Variants in DKK2 observed in about 807,000 individuals in gnomAD.
The protein encoded by DKK2 is dickkopf-related protein 2.
A neutral mutation model predicts 28.1 loss-of-function variants in DKK2; 11 were observed. The observed-to-expected ratio is 0.39, with a 90% CI of 0.25 to 0.65. The LOEUF (loss-of-function observed/expected upper bound fraction) is 0.65. Among genes scored for constraint, DKK2 ranks in the 30% least tolerant of loss-of-function variants. The pLI is 0.47. For missense variants in DKK2, 326 were observed against 335.5 expected, an observed-to-expected ratio of 0.97 and a Z score of 0.22; for synonymous variants, 135 against 126.5, an observed-to-expected ratio of 1.07 and a Z score of -0.45.
intron 1 of DKK2, among the ~76,000 whole-genome samples, chr4:106,927,568 AT>A (rs1434105594): frequency 1.3e-5 from 2 of 152,178 alleles, no homozygotes; most frequent in East Asian, 3.9e-4. Context: ...TATAAAATAA[AT>A]TTGCATTTCA....
intron 1 of DKK2, among the ~76,000 whole-genome samples, chr4:107,034,562 GA>G (rs1723932946): frequency 6.6e-6 from 1 of 152,172 alleles, no homozygotes; most frequent in African/African-American, 2.4e-5. Flanking sequence ...GGCGCCTGCG[GA>G]AAGTTCCCTC....
chr4:106,959,098 A>C (rs1386123878), intron 1 of DKK2, among the ~76,000 whole-genome samples: 1 of 152,152 alleles, frequency 6.6e-6, no homozygotes, highest in Non-Finnish European at 1.5e-5. Flanking sequence ...TATCAAGCAG[A>C]CAGTATTTTG....
intron 1 of DKK2, among the ~76,000 whole-genome samples, chr4:106,929,099 T>A (rs1724464791): frequency 6.6e-6 from 1 of 152,218 alleles, no homozygotes; most frequent in Admixed American, 6.5e-5. Context: ...CATTGTCTAG[T>A]CTCATTTGAT....
At chr4:106,973,156 T>G (rs1488961158) in intron 1 of DKK2, among the ~76,000 whole-genome samples, 2 of 152,234 alleles carry the variant, frequency 1.3e-5, no homozygotes, top group Non-Finnish European at 2.9e-5. Context: ...GCATTTGGGT[T>G]GGTTCCAAGT....
At chr4:107,008,402 A>G (rs1478979501) in intron 1 of DKK2, among the ~76,000 whole-genome samples, 1 of 152,076 alleles carries the variant, frequency 6.6e-6, no homozygotes, top group Admixed American at 6.6e-5. Context: ...ATGATGCGCT[A>G]TTGGAACACC....
At chr4:106,960,446 G>C (rs951087583) in intron 1 of DKK2, among the ~76,000 whole-genome samples, 8 of 151,856 alleles carry the variant, frequency 5.3e-5, no homozygotes, top group Non-Finnish European at 7.4e-5. Flanking sequence ...GTGACTAAAA[G>C]ATGAAAAACT....
At chr4:106,985,624 C>T (rs986235185) in intron 1 of DKK2, among the ~76,000 whole-genome samples, 1 of 151,632 alleles carries the variant, frequency 6.6e-6, no homozygotes, top group Non-Finnish European at 1.5e-5. Context: ...TCCTGGCCAA[C>T]ATGGTGAGAC....
intron 1 of DKK2, 145 bp from the exon 2 acceptor site, chr4:106,926,094 C>A (rs1724422591): frequency 2.3e-6 from 2 of 872,064 alleles, no homozygotes; most frequent in South Asian, 5.1e-5. Context: ...TGTTCTGAAC[C>A]TAGAGCCTAA....
chr4:106,968,722 C>T (rs988905921), intron 1 of DKK2, among the ~76,000 whole-genome samples: 2 of 151,958 alleles, frequency 1.3e-5, no homozygotes, highest in African/African-American at 4.8e-5. Context: ...TTCCATATGG[C>T]GTTCTGGACA....
chr4:106,951,846 A>G (rs892010012), intron 1 of DKK2, among the ~76,000 whole-genome samples: 1 of 152,192 alleles, frequency 6.6e-6, no homozygotes, highest in Non-Finnish European at 1.5e-5. Context: ...TCTGCAAAAT[A>G]TGGCTCCTAA....
intron 1 of DKK2, among the ~76,000 whole-genome samples, chr4:106,960,944 G>T (rs137897619): frequency 1.3e-5 from 2 of 152,178 alleles, no homozygotes; most frequent in East Asian, 1.9e-4. Flanking sequence ...GAGGGAAATA[G>T]TAAAATTATA....
intron 1 of DKK2, among the ~76,000 whole-genome samples, chr4:106,929,806 T>A (rs1350078467): frequency 6.6e-6 from 1 of 152,200 alleles, no homozygotes; most frequent in African/African-American, 2.4e-5. Flanking sequence ...TACCTAAAAT[T>A]TTAGCAGTAA....
chr4:106,952,694 A>G (rs1475213426), intron 1 of DKK2, among the ~76,000 whole-genome samples: 1 of 152,186 alleles, frequency 6.6e-6, no homozygotes, highest in Non-Finnish European at 1.5e-5. Context: ...TCCAAATCTT[A>G]AAATATAATG....
At chr4:106,970,555 T>A (rs997469958) in intron 1 of DKK2, among the ~76,000 whole-genome samples, 2 of 152,072 alleles carry the variant, frequency 1.3e-5, no homozygotes, top group Non-Finnish European at 2.9e-5. Flanking sequence ...ATCAAGAATC[T>A]CTTGATTGAC....
In DKK2 at chr4:106,925,848, CTTCT is replaced by C; in HGVS notation, c.320_323del (p.Lys107SerfsTer28). ...AGCACATGCCATCTCGGTGGCAGCG[CTTCT>C]TTTTTCTCCGACACACCATGCAGGC... On this transcript the variant is annotated frameshift_variant, in exon 2 of 4. Transcript: ENST00000285311. LOFTEE classifies it high-confidence loss of function. The C allele has an allele frequency of 1.2e-6, 2 of 1,606,480 alleles. No homozygotes were observed. Among genetic ancestry groups the C allele is most frequent in the Non-Finnish European group, 1.7e-6 (2 of 1,176,480 alleles).
Position 107,035,557 on chromosome 4 carries a change from C to A in DKK2, c.35G>T (p.Cys12Phe), listed in dbSNP as rs1160624661. 1.2e-6 allele frequency: 2 copies of A among 1,614,170 alleles called. No individual in the cohort carries two copies. Among genetic ancestry groups the A allele is most frequent in the Non-Finnish European group, 1.7e-6 (2 of 1,180,030 alleles). ...AALMRSKDSS[C>F]CLLLLAAVLM... ...CACCGCGGCCAGTAGGAGCAGGCAG[C>A]AGGACGAATCCTTGCTCCGCATCAA... Residue 12 changes from cysteine (C) to phenylalanine (F), a missense_variant, in exon 1 of 4, where the codon TGC becomes TTC. Coordinates refer to ENST00000285311, the MANE Select transcript of DKK2 (RefSeq NM_014421.3).
chr4:106,997,686 G>A (rs1234416251), intron 1 of DKK2, among the ~76,000 whole-genome samples: 3 of 152,296 alleles, frequency 2.0e-5, no homozygotes, highest in Non-Finnish European at 1.5e-5. Flanking sequence ...AGGTCGTGGC[G>A]ACTTAAATGC....
intron 1 of DKK2, among the ~76,000 whole-genome samples, chr4:106,986,575 A>G (rs907026239): frequency 3.3e-5 from 5 of 152,202 alleles, no homozygotes; most frequent in African/African-American, 1.2e-4. Flanking sequence ...GTGTGGAATA[A>G]CAGTTTATTC....
In DKK2 at chr4:106,948,640, C is replaced by A. The variant is rs557202442; in HGVS notation, c.223-22691G>T. 5.3e-5 allele frequency among the ~76,000 whole-genome samples: 8 copies of A among 152,264 alleles called. No homozygotes were observed. The South Asian group carries it at 6.2e-4, about 12-fold the overall frequency. ...TTACTTAGCTAGCTGAATTTAGTATCTCTTATAGTACATCTGAGGAAACTG... is the reference window on the plus strand; with the variant it reads ...TTACTTAGCTAGCTGAATTTAGTATATCTTATAGTACATCTGAGGAAACTG... On this transcript the variant is annotated intron_variant, in intron 1 of 3. Coordinates refer to ENST00000285311, the MANE Select transcript of DKK2 (RefSeq NM_014421.3).
Sources: gnomAD v4.1 joint callset for allele counts (sites outside exome capture counted in the v4.1 genomes callset) on GRCh38, gnomAD v4.1.1 for gene constraint, MANE v1.5 for transcripts, NCBI Gene and HGNC (gene_info 2026-07-23, HGNC 2026-07-21) for gene names.